The following EXPH5 variants were observed in gnomAD, a reference collection of about 807,000 sequenced individuals.
EXPH5 encodes exophilin 5, also known as exophilin-5.
In EXPH5, 42 loss-of-function variants were observed where a neutral mutation model predicts 41.1. The ratio of observed to expected loss-of-function variants is 1.02; its 90% CI spans 0.80 to 1.32. EXPH5 has a LOEUF of 1.32. EXPH5 is among the 40% of genes most tolerant of loss of function. The pLI, the probability that EXPH5 is intolerant of heterozygous loss-of-function variation, is 0.00. For synonymous variants in EXPH5, 798 were observed against 833.5 expected (o/e 0.96, Z 0.73); for missense variants, 2,298 against 2,314.5 (o/e 0.99, Z 0.15).
chr11:108,530,305 A>T (rs2093828969), intron 3 of EXPH5, among the ~76,000 whole-genome samples: 1 of 152,320 alleles, frequency 6.6e-6, no homozygotes, highest in East Asian at 1.9e-4. Flanking sequence ...AATATGACTC[A>T]GATAGGGACC....
chr11:108,573,221 AG>A (rs2094068870), intron 1 of EXPH5, among the ~76,000 whole-genome samples: 1 of 151,888 alleles, frequency 6.6e-6, no homozygotes, highest in Non-Finnish European at 1.5e-5. Context: ...AAAGAAAGAA[AG>A]GGAAAGCAAA....
Position 108,510,606 on chromosome 11 carries a change from A to C in EXPH5, c.4901T>G (p.Leu1634Arg). ...GSRSGFDHLS[L>R]GTVECNPLFP... Reference sequence around the variant, plus strand: ...CAGTGGGTTGCACTCCACTGTGCCAAGAGATAAATGGTCAAAGCCAGATCT... The same window carrying C: ...CAGTGGGTTGCACTCCACTGTGCCACGAGATAAATGGTCAAAGCCAGATCT... Residue 1634 changes from leucine to arginine, a missense_variant, in exon 6 of 6, where the codon CTT becomes CGT. By Grantham distance (102) the Leu-to-Arg change is moderately radical. Coordinates refer to ENST00000265843, the MANE Select transcript of EXPH5 (RefSeq NM_015065.3). 1 of 1,614,126 alleles carries C rather than the reference A, an allele frequency of 6.2e-7. No individual in the cohort carries two copies. The highest frequency in any genetic ancestry group is 1.1e-5 in the South Asian group (1 of 91,072).
At chr11:108,560,349 A>G (rs2094006410) in intron 1 of EXPH5, among the ~76,000 whole-genome samples, 1 of 152,228 alleles carries the variant, frequency 6.6e-6, no homozygotes, top group African/African-American at 2.4e-5. Context: ...ACCCTTTTCC[A>G]CATGATTGCT....
chr11:108,553,498 T>C (rs996987351), intron 1 of EXPH5, among the ~76,000 whole-genome samples: 29 of 152,206 alleles, frequency 1.9e-4, no homozygotes, highest in African/African-American at 7.0e-4. Flanking sequence ...TAGGTTTACA[T>C]GATCCCTTTT....
In EXPH5 at chr11:108,538,255, G is replaced by A. The variant is rs559574242; in HGVS notation, c.443+769C>T. 10 of 985,384 alleles carry A rather than the reference G, an allele frequency of 1.0e-5. No individual in the cohort carries two copies. The East Asian group carries it at 3.4e-4, about 34-fold the overall frequency. 61.0% of individuals were successfully genotyped at this position (985,384 alleles called of 1,614,324 possible). Reference sequence around the variant, plus strand: ...TTTGACGGCACGCGGAACATATCACGTGCCAAGCCAACACCTTAAGAGGGT... The same window carrying A: ...TTTGACGGCACGCGGAACATATCACATGCCAAGCCAACACCTTAAGAGGGT... On this transcript the variant is annotated intron_variant, in intron 3 of 5. Coordinates refer to ENST00000265843, the MANE Select transcript of EXPH5 (RefSeq NM_015065.3).
At chr11:108,568,557 C>T (rs1050800971) in intron 1 of EXPH5, among the ~76,000 whole-genome samples, 5 of 152,174 alleles carry the variant, frequency 3.3e-5, no homozygotes, top group Non-Finnish European at 5.9e-5. Context: ...TGACCTCAAT[C>T]GCTGAGAAAT....
chr11:108,568,461 G>A (rs1202682951), intron 1 of EXPH5, among the ~76,000 whole-genome samples: 1 of 152,134 alleles, frequency 6.6e-6, no homozygotes, highest in African/African-American at 2.4e-5. Context: ...CGAGGAACAA[G>A]TTCCAAGTTC....
intron 1 of EXPH5, among the ~76,000 whole-genome samples, chr11:108,592,544 TTAGA>T (rs2094129803): frequency 6.6e-6 from 1 of 152,200 alleles, no homozygotes; most frequent in Non-Finnish European, 1.5e-5. Flanking sequence ...AGAGAAGGAC[TTAGA>T]TGGATATATT....
At chr11:108,547,132 A>ACGGGG in intron 1 of EXPH5, among the ~76,000 whole-genome samples, 1 of 152,118 alleles carries the variant, frequency 6.6e-6, no homozygotes, top group Non-Finnish European at 1.5e-5. Flanking sequence ...TGCCTCTGCC[A>ACGGGG]GACACTAAAG....
intron 1 of EXPH5, among the ~76,000 whole-genome samples, chr11:108,557,161 T>A (rs1394142394): frequency 3.9e-5 from 6 of 152,220 alleles, no homozygotes; most frequent in Non-Finnish European, 8.8e-5. Flanking sequence ...TCTCCCATAT[T>A]CAGTTACTTT....
intron 1 of EXPH5, among the ~76,000 whole-genome samples, chr11:108,560,754 A>G (rs2094007997): frequency 6.6e-6 from 1 of 152,256 alleles, no homozygotes; most frequent in South Asian, 2.1e-4. Flanking sequence ...TACTGCCAGC[A>G]GTACAAACGC....
chr11:108,602,587 T>A, the EXPH5 span, among the ~76,000 whole-genome samples: 1 of 151,972 alleles, frequency 6.6e-6, no homozygotes. Context: ...CATTCTGTTT[T>A]CCAGGCTGGA....
chr11:108,515,847 C>G (rs11212686), intron 5 of EXPH5, among the ~76,000 whole-genome samples: 1 of 151,814 alleles, frequency 6.6e-6, no homozygotes, highest in Non-Finnish European at 1.5e-5. Flanking sequence ...CCGAGGCGGG[C>G]GGATCACGAG....
chr11:108,592,489 G>A (rs2094129728), intron 1 of EXPH5, among the ~76,000 whole-genome samples: 1 of 152,224 alleles, frequency 6.6e-6, no homozygotes, highest in South Asian at 2.1e-4. Flanking sequence ...ATGGCACACA[G>A]TGTGGTCTGA....
intron 1 of EXPH5, among the ~76,000 whole-genome samples, chr11:108,571,957 G>A (rs557740476): frequency 6.6e-6 from 1 of 151,360 alleles, no homozygotes; most frequent in East Asian, 1.9e-4. Context: ...GCTGAGGCAG[G>A]AAAAAAGGCG....
At chr11:108,552,442 C>T (rs1367041788) in intron 1 of EXPH5, among the ~76,000 whole-genome samples, 1 of 152,092 alleles carries the variant, frequency 6.6e-6, no homozygotes, top group Non-Finnish European at 1.5e-5. Flanking sequence ...AAGTGGTAAA[C>T]TTTATAAAGT....
intron 1 of EXPH5, among the ~76,000 whole-genome samples, chr11:108,550,756 GCAA>G (rs1043413057): frequency 1.6e-4 from 25 of 152,180 alleles, no homozygotes; most frequent in Middle Eastern, 3.4e-3. Flanking sequence ...TCCAGCCTGG[GCAA>G]CAGAGTGAGA....
the EXPH5 span, among the ~76,000 whole-genome samples, chr11:108,606,843 G>C: frequency 6.6e-6 from 1 of 151,410 alleles, no homozygotes; most frequent in Non-Finnish European, 1.5e-5. Context: ...TTACAATCTG[G>C]TCCAGGTTCA....
intron 1 of EXPH5, among the ~76,000 whole-genome samples, chr11:108,586,865 C>A (rs1330914581): frequency 6.6e-6 from 1 of 151,698 alleles, no homozygotes; most frequent in Non-Finnish European, 1.5e-5. Flanking sequence ...TGAAGTATGG[C>A]CTTTTAATAG....
Sources: gnomAD v4.1 joint callset for allele counts (sites outside exome capture counted in the v4.1 genomes callset) on GRCh38, gnomAD v4.1.1 for gene constraint, MANE v1.5 for transcripts, NCBI Gene and HGNC (gene_info 2026-07-23, HGNC 2026-07-21) for gene names.